Variants in TMC1 observed in about 807,000 individuals in gnomAD.
The protein encoded by TMC1 is transmembrane channel-like protein 1.
In TMC1, 84 loss-of-function variants were observed where a neutral mutation model predicts 105.8. The ratio of observed to expected loss-of-function variants is 0.79; its 90% CI spans 0.67 to 0.95. The LOEUF (loss-of-function observed/expected upper bound fraction) is 0.95, where lower values mean the gene tolerates loss of function less well. Ranked by LOEUF, TMC1 falls within the 40% of genes least tolerant of loss-of-function variation. TMC1 has a pLI of 0.00. For synonymous variants in TMC1, 315 were observed against 311.5 expected, an observed-to-expected ratio of 1.01 and a Z score of -0.12; for missense variants, 817 against 914.1, an observed-to-expected ratio of 0.89 and a Z score of 1.37.
At chr9:72,807,850 G>A (rs765513367) in intron 18 of TMC1, among the ~76,000 whole-genome samples, 4 of 152,118 alleles carry the variant, frequency 2.6e-5, no homozygotes, top group African/African-American at 9.7e-5. Context: ...TGGCAGGGGC[G>A]GCTTCTTTTC....
intron 13 of TMC1, among the ~76,000 whole-genome samples, chr9:72,780,346 C>T (rs1828073950): frequency 6.6e-6 from 1 of 152,174 alleles, no homozygotes; most frequent in African/African-American, 2.4e-5. Flanking sequence ...AAAGCAACTA[C>T]ACAATCAAGT....
intron 1 of TMC1, among the ~76,000 whole-genome samples, chr9:72,568,553 T>C (rs1002285269): frequency 3.3e-5 from 5 of 152,230 alleles, no homozygotes; most frequent in Non-Finnish European, 5.9e-5. Flanking sequence ...ACATAGGCTC[T>C]TCTTCAAAGA....
intron 2 of TMC1, among the ~76,000 whole-genome samples, chr9:72,606,058 CAT>C (rs1212615463): frequency 6.6e-6 from 1 of 151,984 alleles, no homozygotes; most frequent in Non-Finnish European, 1.5e-5. Context: ...AGGATGTCAA[CAT>C]ATGAATTTGA....
At position 72,733,221 on chromosome 9, in the gene TMC1, G is replaced by A. The variant is rs532329027; in HGVS notation, c.363-6898G>A. On this transcript the variant is annotated intron_variant, in intron 8 of 23. Coordinates refer to ENST00000297784, the MANE Select transcript of TMC1 (RefSeq NM_138691.3). ...AAAGAGAAATTGAGAGAGATAGAGA[G>A]AGAGAGATTCCCAGGGGCCCGAGCT... Among the ~76,000 whole-genome samples the A allele has an allele frequency of 4.6e-5, 7 of 151,892 alleles. No individual in the cohort carries two copies. In the South Asian group the frequency reaches 1.5e-3, roughly 32 times the overall value.
At chr9:72,722,629 T>C (rs528599557) in intron 8 of TMC1, among the ~76,000 whole-genome samples, 1 of 152,362 alleles carries the variant, frequency 6.6e-6, no homozygotes, top group South Asian at 2.1e-4. Context: ...TCTCAAGTAC[T>C]AGCATAGTGC....
At chr9:72,658,474 G>C (rs1344960871) in intron 5 of TMC1, among the ~76,000 whole-genome samples, 1 of 152,008 alleles carries the variant, frequency 6.6e-6, no homozygotes, top group Non-Finnish European at 1.5e-5. Context: ...ATAAATCCTA[G>C]CTTCTATTCC....
At chr9:72,613,210 C>A (rs1825063223) in intron 2 of TMC1, among the ~76,000 whole-genome samples, 1 of 150,642 alleles carries the variant, frequency 6.6e-6, no homozygotes. Flanking sequence ...TGGCTCACTG[C>A]AACCTCCGCC....
At chr9:72,710,940 G>T (rs61577977) in intron 8 of TMC1, among the ~76,000 whole-genome samples, 1 of 151,978 alleles carries the variant, frequency 6.6e-6, no homozygotes, top group African/African-American at 2.4e-5. Context: ...CCTTAGCTCC[G>T]CATCCCCAAA....
At chr9:72,801,140 A>G (rs1312380346) in intron 17 of TMC1, among the ~76,000 whole-genome samples, 1 of 152,166 alleles carries the variant, frequency 6.6e-6, no homozygotes, top group African/African-American at 2.4e-5. Flanking sequence ...TGTTTTGAAT[A>G]TAGGATAATG....
chr9:72,619,307 T>TA (rs1825199843), intron 3 of TMC1, among the ~76,000 whole-genome samples: 1 of 152,170 alleles, frequency 6.6e-6, no homozygotes, highest in South Asian at 2.1e-4. Context: ...AGACACAACT[T>TA]AAATATTCAA....
chr9:72,705,954 CA>C (rs1554721932), intron 8 of TMC1, among the ~76,000 whole-genome samples: 2 of 152,220 alleles, frequency 1.3e-5, no homozygotes, highest in Non-Finnish European at 2.9e-5. Context: ...AAGTTATCCT[CA>C]GATTTCATTC....
intron 12 of TMC1, among the ~76,000 whole-genome samples, chr9:72,766,278 G>A (rs530155521): frequency 1.3e-5 from 2 of 151,918 alleles, no homozygotes; most frequent in Non-Finnish European, 2.9e-5. Flanking sequence ...TTAGCTGGGC[G>A]TGGTGGCGGG....
intron 7 of TMC1, among the ~76,000 whole-genome samples, chr9:72,699,685 G>A (rs112517443): frequency 2.7e-4 from 41 of 152,184 alleles, no homozygotes; most frequent in African/African-American, 8.7e-4. Flanking sequence ...GGGCGGGTGC[G>A]GTGGCTCACA....
intron 20 of TMC1, among the ~76,000 whole-genome samples, chr9:72,823,900 C>T (rs1304732011): frequency 1.3e-5 from 2 of 152,194 alleles, no homozygotes; most frequent in Admixed American, 1.3e-4. Flanking sequence ...AGAAACATGG[C>T]CCATAATCTT....
intron 21 of TMC1, among the ~76,000 whole-genome samples, chr9:72,827,980 T>C (rs548213134): frequency 1.3e-5 from 2 of 152,332 alleles, no homozygotes; most frequent in African/African-American, 4.8e-5. Flanking sequence ...CAGGTTTATC[T>C]TCTTCAATTT....
intron 13 of TMC1, among the ~76,000 whole-genome samples, chr9:72,786,026 G>A (rs1828162331): frequency 6.6e-6 from 1 of 152,150 alleles, no homozygotes; most frequent in South Asian, 2.1e-4. Flanking sequence ...GACCCTGTTG[G>A]TTTAGGATTT....
At chr9:72,742,840 C>T (rs576218275) in intron 10 of TMC1, among the ~76,000 whole-genome samples, 1 of 152,308 alleles carries the variant, frequency 6.6e-6, no homozygotes, top group African/African-American at 2.4e-5. Flanking sequence ...AATCATCTTA[C>T]TTGGAAGGCA....
At chr9:72,733,974 G>A (rs376330942) in intron 8 of TMC1, among the ~76,000 whole-genome samples, 16 of 152,238 alleles carry the variant, frequency 1.1e-4, no homozygotes, top group East Asian at 3.9e-4. Context: ...GCATTATTAA[G>A]TAGAATAAGG....
chr9:72,595,022 C>T (rs750997688), intron 2 of TMC1, among the ~76,000 whole-genome samples: 2 of 152,010 alleles, frequency 1.3e-5, no homozygotes, highest in Admixed American at 6.6e-5. Flanking sequence ...TGTGCCACCA[C>T]GCCCAGCTAA....
Sources: gnomAD v4.1 joint callset for allele counts (sites outside exome capture counted in the v4.1 genomes callset) on GRCh38, gnomAD v4.1.1 for gene constraint, MANE v1.5 for transcripts, NCBI Gene and HGNC (gene_info 2026-07-23, HGNC 2026-07-21) for gene names.